Variants in THBS4 observed in about 807,000 individuals in gnomAD.
The protein encoded by THBS4 is thrombospondin-4.
Under a neutral mutation model 115.7 loss-of-function variants are expected in THBS4, and 90 were observed. That is an observed-to-expected ratio of 0.78 (90% CI 0.66 to 0.93). The LOEUF (loss-of-function observed/expected upper bound fraction) is 0.93. Among genes scored for constraint, THBS4 ranks in the 40% least tolerant of loss-of-function variants. THBS4 has a pLI of 0.00. For missense variants in THBS4, 1,087 were observed against 1,232.7 expected, an observed-to-expected ratio of 0.88 and a Z score of 1.77; for synonymous variants, 460 against 479.3, an observed-to-expected ratio of 0.96 and a Z score of 0.53.
At chr5:80,065,282 G>A (rs1209737041) in intron 8 of THBS4, 127 bp from the exon 9 acceptor site, 5 of 743,200 alleles carry the variant, frequency 6.7e-6, no homozygotes, top group Non-Finnish European at 9.1e-6. Context: ...ATAACCCTCA[G>A]ATTACCATTC....
chr5:80,006,704 A>G (rs1832025659), intron 2 of THBS4, among the ~76,000 whole-genome samples: 1 of 152,176 alleles, frequency 6.6e-6, no homozygotes, highest in Non-Finnish European at 1.5e-5. Flanking sequence ...GGAATGGCCC[A>G]AAAAGGAGTC....
At chr5:80,039,020 T>C (rs1317280555) in intron 1 of THBS4, among the ~76,000 whole-genome samples, 1 of 152,244 alleles carries the variant, frequency 6.6e-6, no homozygotes, top group African/African-American at 2.4e-5. Flanking sequence ...CATTTATTTA[T>C]ATACTTAATG....
intron 2 of THBS4, among the ~76,000 whole-genome samples, chr5:80,005,738 T>TAC (rs1454243358): frequency 6.6e-6 from 1 of 151,566 alleles, no homozygotes; most frequent in Non-Finnish European, 1.5e-5. Flanking sequence ...TGGAACACGG[T>TAC]ACACGGTATG....
intron 10 of THBS4, among the ~76,000 whole-genome samples, chr5:80,070,061 T>C (rs1833976799): frequency 6.6e-6 from 1 of 152,240 alleles, no homozygotes; most frequent in Non-Finnish European, 1.5e-5. Context: ...TCTGCTGCTC[T>C]GCCTGTTCCT....
intron 1 of THBS4, among the ~76,000 whole-genome samples, chr5:79,997,772 G>A (rs887581524): frequency 1.3e-5 from 2 of 152,034 alleles, no homozygotes; most frequent in African/African-American, 4.8e-5. Flanking sequence ...CTCAACAAAA[G>A]TTTTTAATGA....
At chr5:80,014,977 T>A (rs372998670) in intron 2 of THBS4, among the ~76,000 whole-genome samples, 2 of 152,264 alleles carry the variant, frequency 1.3e-5, no homozygotes, top group African/African-American at 4.8e-5. Flanking sequence ...ACTACCAGAT[T>A]CAGATAAAGC....
chr5:80,006,063 C>T (rs1028635938), intron 2 of THBS4, among the ~76,000 whole-genome samples: 8 of 152,140 alleles, frequency 5.3e-5, no homozygotes, highest in African/African-American at 1.9e-4. Context: ...CCATGCCCGG[C>T]CTGTGGCATT....
chr5:80,009,778 T>C (rs1244360001), intron 2 of THBS4, among the ~76,000 whole-genome samples: 1 of 152,226 alleles, frequency 6.6e-6, no homozygotes, highest in Admixed American at 6.5e-5. Flanking sequence ...AAAATTCTTT[T>C]GAATCATTCT....
chr5:79,995,362 C>G (rs1026771628), intron 1 of THBS4, among the ~76,000 whole-genome samples: 6 of 152,114 alleles, frequency 3.9e-5, no homozygotes, highest in African/African-American at 1.4e-4. Flanking sequence ...TCACTTGGCA[C>G]CCTTCCGCTG....
chr5:80,020,246 G>A (rs1445134311), intron 2 of THBS4, among the ~76,000 whole-genome samples: 1 of 152,180 alleles, frequency 6.6e-6, no homozygotes, highest in Non-Finnish European at 1.5e-5. Flanking sequence ...GCCGAGACAG[G>A]TGGATCACGA....
In THBS4 at chr5:80,078,067, T is replaced by C. The variant is rs139855074; in HGVS notation, c.2105T>C (p.Ile702Thr). The C allele has an allele frequency of 2.9e-4, 457 of 1,594,628 alleles. No individual in the cohort carries two copies. Among genetic ancestry groups the C allele is most frequent in the Non-Finnish European group, 3.8e-4 (446 of 1,166,886 alleles). ...CACTCAGGCGACGGAGTGGGAGACA[T>C]CTGTGAGTCTGACTTTGACCAGGAC... ...EDSNSDGVGD[I>T]CESDFDQDQV... Residue 702 changes from isoleucine to threonine, a missense_variant, in exon 17 of 22, where the codon ATC (isoleucine) becomes ACC (threonine). Physicochemically the swap from Ile to Thr is moderately conservative, Grantham distance 89. Coordinates refer to ENST00000350881, the MANE Select transcript of THBS4 (RefSeq NM_003248.6).
intron 2 of THBS4, among the ~76,000 whole-genome samples, chr5:80,023,265 A>AT (rs1832413742): frequency 6.6e-6 from 1 of 152,190 alleles, no homozygotes; most frequent in African/African-American, 2.4e-5. Context: ...ATTGGACAAT[A>AT]TACCTAGCTG....
chr5:80,081,388 G>T lies in THBS4; in HGVS notation c.2685-1018G>T, dbSNP rs147408423. 2.6e-5 allele frequency among the ~76,000 whole-genome samples: 4 copies of T among 152,104 alleles called. 1 individual carries two copies. Among genetic ancestry groups the T allele is most frequent in the Admixed American group, 1.3e-4 (2 of 15,296 alleles). On this transcript the variant is annotated intron_variant, in intron 20 of 21. Transcript: ENST00000350881. Reference sequence around the variant, plus strand: ...CATAGAAATTACAACCTACCTACACGTATAATCTAGAAAATCAATGTGAGC... The same window carrying T: ...CATAGAAATTACAACCTACCTACACTTATAATCTAGAAAATCAATGTGAGC...
chr5:79,993,521 A>C (rs1208926056), intron 1 of THBS4, among the ~76,000 whole-genome samples: 1 of 152,238 alleles, frequency 6.6e-6, no homozygotes, highest in East Asian at 1.9e-4. Context: ...ACCGGGAAGA[A>C]TACTGTCTGC....
Position 80,076,645 on chromosome 5 carries a change from G to A in THBS4, c.1893-210G>A, listed in dbSNP as rs144691168. Among the ~76,000 whole-genome samples, 979 of 152,250 alleles carry A rather than the reference G, an allele frequency of 6.4e-3. 8 individuals carry two copies. Among genetic ancestry groups the A allele is most frequent in the African/African-American group, 0.022 (926 of 41,544 alleles). ...ACCCTTATCTTCTTTAGTAGGAAAT[G>A]ACTCACTTGTTTTAAGAGGTTGGGG... On this transcript the variant is annotated intron_variant, in intron 15 of 21. Coordinates refer to ENST00000350881, the MANE Select transcript of THBS4 (RefSeq NM_003248.6).
At chr5:80,020,130 G>C (rs1364513810) in intron 2 of THBS4, among the ~76,000 whole-genome samples, 1 of 152,200 alleles carries the variant, frequency 6.6e-6, no homozygotes, top group East Asian at 1.9e-4. Context: ...GTGAACAAAA[G>C]TGAACGTAAA....
Position 80,076,939 on chromosome 5 carries a change from T to C in THBS4, c.1977T>C (p.Ile659=). Residue 659 remains isoleucine, a synonymous_variant, in exon 16 of 22, where the codon ATT becomes ATC. Transcript: ENST00000350881. ...SAQLDTDKDG[I]GDECDDDDDN... is the part of the protein sequence containing the mutation. ...AGCTGGACACCGATAAGGATGGAAT[T>C]GGTGACGAGTGTGATGATGATGATG... 1 of 1,613,840 alleles carries C rather than the reference T, an allele frequency of 6.2e-7. No homozygotes were observed. Among genetic ancestry groups the C allele is most frequent in the Non-Finnish European group, 8.5e-7 (1 of 1,179,910 alleles).
At chr5:80,071,661 C>T (rs1240622949) in intron 13 of THBS4, 3 of 154,160 alleles carry the variant, frequency 1.9e-5, no homozygotes, top group Non-Finnish European at 4.3e-5. Flanking sequence ...CACATACACA[C>T]ACACACACAC....
chr5:80,074,179 C>T (rs182949687), intron 15 of THBS4: 3 of 152,192 alleles, frequency 2.0e-5, no homozygotes, highest in Non-Finnish European at 4.4e-5. Flanking sequence ...ACCATCATCC[C>T]AAAATAGAAG....
Sources: allele counts gnomAD v4.1 joint callset (sites outside exome capture counted in the v4.1 genomes callset), GRCh38; gene constraint gnomAD v4.1.1; transcripts MANE v1.5; gene names NCBI Gene and HGNC (gene_info 2026-07-23, HGNC 2026-07-21).